Variants in MYH3 observed in about 807,000 individuals in gnomAD.
MYH3 encodes the protein myosin-3.
A neutral mutation model predicts 238.0 loss-of-function variants in MYH3; 130 were observed. The ratio of observed to expected loss-of-function variants is 0.55; its 90% CI spans 0.47 to 0.63. The LOEUF is 0.63. MYH3 is among the 30% of genes least tolerant of loss of function. MYH3 has a pLI of 0.00. For synonymous variants in MYH3, 880 were observed against 924.1 expected (o/e 0.95, Z 0.86); for missense variants, 1,853 against 2,374.9 (o/e 0.78, Z 4.57).
In MYH3 at chr17:10,633,602, C is replaced by T. The variant is rs781349619; in HGVS notation, c.4636G>A (p.Glu1546Lys). 7 of 1,613,346 alleles carry T rather than the reference C, an allele frequency of 4.3e-6. No individual in the cohort carries two copies. In the South Asian group the frequency reaches 7.7e-5, roughly 18 times the overall value. ...LEKADIQLAL[E>K]EAEAALEHEE... is the part of the protein sequence containing the mutation. ...CTCCCAGCACTCACCTCTGCTTCCT[C>T]GAGAGCCAGCTGGATATCAGCCTTT... Residue 1546 changes from glutamate (E) to lysine (K), a missense_variant, in exon 33 of 41, where the codon GAG becomes AAG. Physicochemically the swap from Glu to Lys is moderately conservative, Grantham distance 56. Coordinates refer to ENST00000583535, the MANE Select transcript of MYH3 (RefSeq NM_002470.4).
At position 10,639,866 on chromosome 17, in the gene MYH3, A is replaced by G. The variant is rs2285471; in HGVS notation, c.2683-64T>C. On this transcript the variant is annotated intron_variant, in intron 22 of 40. Transcript: ENST00000583535. ...AAGGTTTGCGACATTCCAGTATTTC[A>G]CTATATATGAAGTTCTTTATGAAGC... 1,083,129 of 1,603,684 alleles carry G rather than the reference A, an allele frequency of 0.68. 377,703 individuals are homozygous for G. The highest frequency in any genetic ancestry group is 0.73 in the Non-Finnish European group (857,067 of 1,174,662).
the MYH3 span, among the ~76,000 whole-genome samples, chr17:10,670,134 C>T: frequency 6.6e-6 from 1 of 152,120 alleles, no homozygotes; most frequent in African/African-American, 2.4e-5. This position sits in a 1 kb window ranked among gnomAD's most constrained non-coding sequence, Gnocchi z 7.0. Flanking sequence ...AACAACATTT[C>T]CTTCATAGGC....
chr17:10,652,811 C>T (rs921184882), intron 3 of MYH3, among the ~76,000 whole-genome samples: 48 of 151,628 alleles, frequency 3.2e-4, no homozygotes, highest in African/African-American at 1.1e-3. Context: ...TTAGTAGAGA[C>T]GGGGTTTCAC....
At chr17:10,652,609 C>CTTTTTTTTTT in intron 3 of MYH3, 46 bp from the exon 4 acceptor site, 4 of 423,516 alleles carry the variant, frequency 9.4e-6, no homozygotes, top group Admixed American at 4.6e-5. Flanking sequence ...GTCTGCACGT[C>CTTTTTTTTTT]TTTTTTTTTT....
At position 10,638,311 on chromosome 17, in the gene MYH3, G is replaced by A. The variant is rs369555448; in HGVS notation, c.3461C>T (p.Ala1154Val). 27 of 1,612,400 alleles carry A rather than the reference G, an allele frequency of 1.7e-5. No individual in the cohort carries two copies. The highest frequency in any genetic ancestry group is 1.6e-4 in the African/African-American group (12 of 74,840). ...LEELSERLEE[A>V]GGVTSTQIEL... ...TATCTGCGTGGAGGTGACGCCTCCCGCCTCCTCCAGCCGCTCGCTCAGCTC... is the reference window on the plus strand; with the variant it reads ...TATCTGCGTGGAGGTGACGCCTCCCACCTCCTCCAGCCGCTCGCTCAGCTC... Residue 1154 changes from alanine (A) to valine (V), a missense_variant, in exon 27 of 41, where the codon GCG becomes GTG. This residue lies in a region of MYH3 where 1,044 missense variants were observed against 1,192.6 expected (regional missense o/e 0.88). Transcript: ENST00000583535.
At position 10,635,844 on chromosome 17, in the gene MYH3, C is replaced by A. The variant is rs143671201; in HGVS notation, c.3866G>T (p.Ser1289Ile). The change falls in exon 29 of 41, where the codon AGT becomes ATT. Residue 1289 changes from serine to isoleucine, a missense_variant. Ser to Ile is a moderately radical substitution (Grantham distance 142). Around this residue, in one of 3 missense-constraint regions of MYH3, gnomAD observed 1,044 missense variants for 1,192.6 expected, o/e 0.88. Transcript: ENST00000583535. ...GCTTTCTTTTTCTTCCAGCTGACGA[C>A]TCAGCTCACCTGTGTCCAGAAGGAA... ...SRLQTEAGEL[S>I]RQLEEKESIV... The A allele has an allele frequency of 3.1e-6, 5 of 1,612,506 alleles. No individual in the cohort carries two copies. The East Asian group carries it at 1.1e-4, about 36-fold the overall frequency.
rs368449050 is a variant in MYH3, at chr17:10,651,619, G to A, written c.398C>T (p.Pro133Leu). ...TTCCACCACCTCGGGGTTGTACACCGGCAGCCACTTGTAGGGGTTGACAGT... is the reference window on the plus strand; with the variant it reads ...TTCCACCACCTCGGGGTTGTACACCAGCAGCCACTTGTAGGGGTTGACAGT... Reference protein sequence around the residue: ...CVTVNPYKWLPVYNPEVVEGY... With the variant: ...CVTVNPYKWLLVYNPEVVEGY... Residue 133 changes from proline (P) to leucine (L), a missense_variant, in exon 5 of 41, where the codon CCG becomes CTG. Around this residue, in one of 3 missense-constraint regions of MYH3, gnomAD observed 678 missense variants for 1,058.9 expected, o/e 0.64. Coordinates refer to ENST00000583535, the MANE Select transcript of MYH3 (RefSeq NM_002470.4). 5 of 1,613,980 alleles carry A rather than the reference G, an allele frequency of 3.1e-6. No individual in the cohort carries two copies. Among genetic ancestry groups the A allele is most frequent in the Admixed American group, 1.7e-5 (1 of 59,996 alleles).
upstream of MYH3, among the ~76,000 whole-genome samples, chr17:10,660,244 G>T (rs1737639159): frequency 1.3e-5 from 2 of 152,204 alleles, no homozygotes; most frequent in African/African-American, 4.8e-5. Flanking sequence ...GCAGGTGTTT[G>T]CCAGGTGTAA....
Position 10,629,008 on chromosome 17 carries a change from C to G in MYH3, c.5797-329G>C, listed in dbSNP as rs191051946. On this transcript the variant is annotated intron_variant, in intron 40 of 40. Transcript: ENST00000583535. ...AGAGCTCAGTGGGACCCGCTCGCTCCTTTTCAGGATGGCGGTTTGTTTTGT... is the reference window on the plus strand; with the variant it reads ...AGAGCTCAGTGGGACCCGCTCGCTCGTTTTCAGGATGGCGGTTTGTTTTGT... Among the ~76,000 whole-genome samples the G allele has an allele frequency of 2.0e-3, 303 of 152,294 alleles. 1 individual carries two copies. Among genetic ancestry groups the G allele is most frequent in the Non-Finnish European group, 4.0e-3 (272 of 68,014 alleles).
chr17:10,677,048 T>C, the MYH3 span: 1 of 152,248 alleles, frequency 6.6e-6, no homozygotes, highest in Non-Finnish European at 1.5e-5. Flanking sequence ...GGCTCACGCG[T>C]GTAATCCCAG....
intron 5 of MYH3, among the ~76,000 whole-genome samples, chr17:10,650,798 C>T (rs113607290): frequency 1.3e-4 from 20 of 152,242 alleles, no homozygotes; most frequent in African/African-American, 4.8e-4. Flanking sequence ...GACAGATCAC[C>T]AGCACCGATT....
chr17:10,630,330 C>T lies in MYH3; in HGVS notation c.5415G>A (p.Ala1805=), dbSNP rs373682120. 1.7e-4 allele frequency: 268 copies of T among 1,614,066 alleles called. No homozygotes were observed. Among genetic ancestry groups the T allele is most frequent in the Non-Finnish European group, 2.2e-4 (262 of 1,180,044 alleles). Residue 1805 remains alanine, a synonymous_variant, in exon 37 of 41, where the codon GCG becomes GCA. Coordinates refer to ENST00000583535, the MANE Select transcript of MYH3 (RefSeq NM_002470.4). ...GGATCTGCTTCTTCCCGCCCTTCAG[C>T]GCCAGCTGCTCGGCCTCATCTAGAC... ...QHRLDEAEQL[A]LKGGKKQIQK...
intron 12 of MYH3, 112 bp from the exon 13 acceptor site, chr17:10,644,814 G>A (rs1295604046): frequency 2.4e-6 from 2 of 833,132 alleles, no homozygotes; most frequent in Non-Finnish European, 4.1e-6. Flanking sequence ...CATTCCCTGT[G>A]GCTAAACTGC....
intron 40 of MYH3, 139 bp from the exon 41 acceptor site, chr17:10,628,818 C>T (rs2074120337): frequency 3.4e-6 from 3 of 883,870 alleles, no homozygotes; most frequent in East Asian, 2.5e-5. Flanking sequence ...GGAAAACGCA[C>T]GATTGCACAC....
rs1037108460 is a variant in MYH3, at chr17:10,642,095, T to C, written c.1959+145A>G. On this transcript the variant is annotated intron_variant, in intron 17 of 40. Coordinates refer to ENST00000583535, the MANE Select transcript of MYH3 (RefSeq NM_002470.4). This position sits in a 1 kb window ranked among gnomAD's most constrained non-coding sequence, Gnocchi z 5.4. ...TGGTTAGACCGTATTTATTATATTT[T>C]ATCATCTGTCACTTCACCTCAGTGA... is the stretch of plus-strand genomic sequence containing the variant. 1 of 749,520 alleles carries C rather than the reference T, an allele frequency of 1.3e-6. No individual in the cohort carries two copies. The highest frequency in any genetic ancestry group is 2.3e-6 in the Non-Finnish European group (1 of 434,266). 46.4% of individuals were successfully genotyped at this position (749,520 alleles called of 1,614,324 possible).
chr17:10,673,882 A>C, the MYH3 span: 1 of 152,366 alleles, frequency 6.6e-6, no homozygotes, highest in East Asian at 1.9e-4. Context: ...AAATTTCAAA[A>C]GTGGGGCAAT....
intron 14 of MYH3, among the ~76,000 whole-genome samples, 197 bp downstream of exon 14, chr17:10,644,154 C>T (rs568237591): frequency 6.2e-4 from 55 of 88,488 alleles, no homozygotes; most frequent in East Asian, 3.1e-3. Flanking sequence ...GAAACTCAGT[C>T]TCAAAAAAAA....
Position 10,635,035 on chromosome 17 carries a change from T to C in MYH3, c.4173-12A>G. The C allele has an allele frequency of 2.5e-6, 4 of 1,613,362 alleles. No homozygotes were observed. The highest frequency in any genetic ancestry group is 3.4e-6 in the Non-Finnish European group (4 of 1,179,382). On this transcript the variant is annotated splice_polypyrimidine_tract_variant and intron_variant, in intron 30 of 40. Coordinates refer to ENST00000583535, the MANE Select transcript of MYH3 (RefSeq NM_002470.4). ...GAGCAAGTTTTTTCCTTAAAGAATA[T>C]GAAAGAGAAGCAGCTGTTATTTCAG...
intron 31 of MYH3, 106 bp downstream of exon 31, chr17:10,634,734 C>A: frequency 7.1e-7 from 1 of 1,405,644 alleles, no homozygotes; most frequent in South Asian, 1.2e-5. Context: ...CAAGGCCACA[C>A]TGCTGGTGAG....
Sources: gnomAD v4.1 joint callset for allele counts (sites outside exome capture counted in the v4.1 genomes callset) on GRCh38, gnomAD v4.1.1 for gene constraint, gnomAD v4.1.1 regional missense constraint, Gnocchi (gnomAD v3.1) non-coding constraint, MANE v1.5 for transcripts, NCBI Gene and HGNC (gene_info 2026-07-23, HGNC 2026-07-21) for gene names.